Variants in ASCC1 observed in about 807,000 individuals in gnomAD.
The protein encoded by ASCC1 is ASC-1 complex subunit P50.
ASCC1 carries 35 observed loss-of-function variants against 46.6 expected under a neutral mutation model. The ratio of observed to expected loss-of-function variants is 0.75; its 90% CI spans 0.57 to 0.99. The LOEUF is 0.99. Among genes scored for constraint, ASCC1 ranks in the 50% least tolerant of loss-of-function variants. The probability of loss-of-function intolerance (pLI) is 0.00; values close to 1 mark genes in which losing one functional copy is unlikely to be tolerated. For missense variants in ASCC1, 376 were observed against 428.7 expected (o/e 0.88, Z 1.09); for synonymous variants, 143 against 146.6 (o/e 0.98, Z 0.18).
chr10:72,117,000 T>TGA (rs1378732420), intron 9 of ASCC1, among the ~76,000 whole-genome samples: 1 of 152,176 alleles, frequency 6.6e-6, no homozygotes, highest in Non-Finnish European at 1.5e-5. Flanking sequence ...TGGCATGATC[T>TGA]CAGGTCACTG....
chr10:72,198,817 A>G (rs998280777), intron 4 of ASCC1, among the ~76,000 whole-genome samples: 10 of 152,042 alleles, frequency 6.6e-5, no homozygotes, highest in Admixed American at 5.9e-4. Flanking sequence ...TCAATAAGCC[A>G]GTTTATTTAT....
chr10:72,194,807 A>G (rs1391943179), intron 5 of ASCC1, among the ~76,000 whole-genome samples: 1 of 152,078 alleles, frequency 6.6e-6, no homozygotes, highest in African/African-American at 2.4e-5. Flanking sequence ...CAAAGGTGCG[A>G]TCTCGGCTCA....
chr10:72,172,817 T>A (rs1352206120), intron 5 of ASCC1, among the ~76,000 whole-genome samples: 2 of 133,790 alleles, frequency 1.5e-5, no homozygotes, highest in Non-Finnish European at 1.6e-5. Context: ...ATATTATATA[T>A]AATATATATT....
chr10:72,101,924 G>A (rs1444628716), intron 9 of ASCC1, among the ~76,000 whole-genome samples: 1 of 151,998 alleles, frequency 6.6e-6, no homozygotes, highest in Non-Finnish European at 1.5e-5. Flanking sequence ...ACACAGACCG[G>A]AGCTAAATGA....
At chr10:72,143,724 T>C (rs1010271622) in intron 7 of ASCC1, among the ~76,000 whole-genome samples, 1 of 151,124 alleles carries the variant, frequency 6.6e-6, no homozygotes, top group South Asian at 2.1e-4. Flanking sequence ...TAGATAAAAC[T>C]TGCTCATGGT....
chr10:72,190,549 T>C (rs1019240617), intron 5 of ASCC1: 10 of 1,462,888 alleles, frequency 6.8e-6, no homozygotes, highest in Non-Finnish European at 9.4e-6. Context: ...GAAGGCGCAA[T>C]ACTCTCCAGC....
chr10:72,150,051 G>A (rs954231410), intron 7 of ASCC1, among the ~76,000 whole-genome samples: 7 of 152,046 alleles, frequency 4.6e-5, no homozygotes, highest in African/African-American at 1.7e-4. Flanking sequence ...CAGGCATGGT[G>A]GTGGGCATCT....
chr10:72,125,590 A>G (rs1844769259), intron 9 of ASCC1, among the ~76,000 whole-genome samples: 1 of 152,210 alleles, frequency 6.6e-6, no homozygotes, highest in African/African-American at 2.4e-5. Flanking sequence ...TGGCTACTTC[A>G]CAAGCATATT....
intron 9 of ASCC1, among the ~76,000 whole-genome samples, chr10:72,114,139 T>C (rs1843227228): frequency 6.6e-6 from 1 of 152,232 alleles, no homozygotes; most frequent in Admixed American, 6.5e-5. Context: ...ATTTTGGATG[T>C]ATTTTGAAAT....
chr10:72,174,415 T>C (rs933376590), intron 5 of ASCC1, among the ~76,000 whole-genome samples: 9 of 152,202 alleles, frequency 5.9e-5, no homozygotes, highest in African/African-American at 2.2e-4. Flanking sequence ...TGGTCCATCA[T>C]GAAGCATTCT....
At chr10:72,150,560 T>C (rs966789811) in intron 7 of ASCC1, among the ~76,000 whole-genome samples, 1 of 152,214 alleles carries the variant, frequency 6.6e-6, no homozygotes, top group Non-Finnish European at 1.5e-5. Context: ...TGGCTCTGAA[T>C]GCCAAGGCCA....
intron 5 of ASCC1, among the ~76,000 whole-genome samples, chr10:72,188,936 T>C (rs1853932280): frequency 6.6e-6 from 1 of 151,990 alleles, no homozygotes; most frequent in African/African-American, 2.4e-5. Context: ...TTTTATCTGC[T>C]GTAGAGACAG....
At chr10:72,176,345 TTC>T (rs1201713419) in intron 5 of ASCC1, among the ~76,000 whole-genome samples, 4 of 152,064 alleles carry the variant, frequency 2.6e-5, no homozygotes, top group Non-Finnish European at 5.9e-5. Context: ...ACTAGTTTGT[TTC>T]TTTCTTTCTT....
At chr10:72,100,824 A>G (rs1401272768) in intron 9 of ASCC1, among the ~76,000 whole-genome samples, 1 of 152,184 alleles carries the variant, frequency 6.6e-6, no homozygotes, top group East Asian at 1.9e-4. Context: ...CATCTGATCG[A>G]TAAATATCTG....
chr10:72,124,886 GT>G (rs1195292263), intron 9 of ASCC1, among the ~76,000 whole-genome samples: 1 of 152,018 alleles, frequency 6.6e-6, no homozygotes, highest in Non-Finnish European at 1.5e-5. Context: ...AAATATGTTT[GT>G]TCTTTTTCAG....
chr10:72,187,165 T>C (rs960130131), intron 5 of ASCC1, among the ~76,000 whole-genome samples: 2 of 152,158 alleles, frequency 1.3e-5, no homozygotes, highest in South Asian at 4.1e-4. Flanking sequence ...CCATTCCCAC[T>C]AAGAACGAAG....
chr10:72,124,933 G>C (rs1157925646), intron 9 of ASCC1, among the ~76,000 whole-genome samples: 4 of 152,092 alleles, frequency 2.6e-5, no homozygotes, highest in Non-Finnish European at 2.9e-5. Flanking sequence ...CTAGTTGTCA[G>C]TTCTTAATTC....
chr10:72,125,242 A>G (rs975757533), intron 9 of ASCC1, among the ~76,000 whole-genome samples: 9 of 151,636 alleles, frequency 5.9e-5, no homozygotes, highest in Non-Finnish European at 1.0e-4. Context: ...TAGTAGATGA[A>G]GTTGATTTTT....
At chr10:72,186,637 T>C (rs1164627518) in intron 5 of ASCC1, among the ~76,000 whole-genome samples, 9 of 152,190 alleles carry the variant, frequency 5.9e-5, no homozygotes, top group African/African-American at 2.2e-4. Flanking sequence ...AACATCAGAA[T>C]GAAACTTACT....
Sources: allele counts gnomAD v4.1 joint callset (sites outside exome capture counted in the v4.1 genomes callset), GRCh38; gene constraint gnomAD v4.1.1; transcripts MANE v1.5; gene names NCBI Gene and HGNC (gene_info 2026-07-23, HGNC 2026-07-21).